OBI1: variants seen among roughly 807,000 people sequenced by gnomAD.
OBI1 encodes the protein ring finger protein 219.
A neutral mutation model predicts 62.4 loss-of-function variants in OBI1; 59 were observed. That is an observed-to-expected ratio of 0.95 (90% CI 0.77 to 1.17). OBI1 has a LOEUF of 1.17. Ranked by LOEUF, OBI1 falls within the 50% of genes most tolerant of loss-of-function variation. OBI1 has a pLI of 0.00. For synonymous variants in OBI1, 302 were observed against 292.8 expected, an observed-to-expected ratio of 1.03 and a Z score of -0.32; for missense variants, 875 against 830.9, an observed-to-expected ratio of 1.05 and a Z score of -0.65.
At position 78,615,998 on chromosome 13, in the gene OBI1, T is replaced by C; in HGVS notation, c.1763A>G (p.Glu588Gly). Reference sequence around the variant, plus strand: ...TAGAGAACCTTTGGAAAGGTTTAGCTCAGTTTTTTCTTCCAACTTATCAGG... The same window carrying C: ...TAGAGAACCTTTGGAAAGGTTTAGCCCAGTTTTTTCTTCCAACTTATCAGG... ...EEPDKLEEKT[E>G]LNLSKGSLTN... The change falls in exon 6 of 6, where the codon GAG becomes GGG. Residue 588 changes from glutamate (E) to glycine (G), a missense_variant. By Grantham distance (98) the Glu-to-Gly change is moderately conservative. Transcript: ENST00000282003. 1 of 1,614,154 alleles carries C rather than the reference T, an allele frequency of 6.2e-7. No homozygotes were observed. Among genetic ancestry groups the C allele is most frequent in the Non-Finnish European group, 8.5e-7 (1 of 1,180,020 alleles).
chr13:78,649,678 T>C (rs878896824), intron 1 of OBI1, among the ~76,000 whole-genome samples: 13 of 152,052 alleles, frequency 8.5e-5, no homozygotes, highest in Admixed American at 5.9e-4. Context: ...TGAAGAGTGA[T>C]GGGGGTATTA....
At chr13:78,652,279 T>C (rs1017418112) in intron 1 of OBI1, among the ~76,000 whole-genome samples, 15 of 152,188 alleles carry the variant, frequency 9.9e-5, no homozygotes, top group African/African-American at 3.6e-4. Context: ...TGTTATATAT[T>C]TGACTGTAAT....
chr13:78,647,581 T>C (rs1291135318), intron 1 of OBI1, among the ~76,000 whole-genome samples: 1 of 152,218 alleles, frequency 6.6e-6, no homozygotes, highest in Non-Finnish European at 1.5e-5. Flanking sequence ...TCCTACTACA[T>C]TCCTCTTGCT....
intron 5 of OBI1, among the ~76,000 whole-genome samples, chr13:78,631,598 G>C (rs764101855): frequency 6.6e-6 from 1 of 152,138 alleles, no homozygotes; most frequent in Non-Finnish European, 1.5e-5. Flanking sequence ...CAAACAGGTG[G>C]TTTCCTCCAG....
In OBI1 at chr13:78,616,079, G is replaced by T. The variant is rs376608775; in HGVS notation, c.1682C>A (p.Ser561Ter). 4 of 1,613,988 alleles carry T rather than the reference G, an allele frequency of 2.5e-6. No individual in the cohort carries two copies. The highest frequency in any genetic ancestry group is 3.4e-6 in the Non-Finnish European group (4 of 1,180,016). ...CTTTGATAACCCATCCAAATCCAGT[G>T]ACTTAAAACCGTTATTACAAGGGCT... ...SKSPCNNGFK[S>*]LDLDGLSKSS... is the part of the protein sequence containing the mutation. Residue 561 changes from serine to a stop codon, truncating the protein, a stop_gained, in exon 6 of 6, where the codon TCA becomes TAA. Coordinates refer to ENST00000282003, the MANE Select transcript of OBI1 (RefSeq NM_024546.4). LOFTEE classifies it high-confidence loss of function.
In OBI1 at chr13:78,639,055, A is replaced by C; in HGVS notation, c.317T>G (p.Leu106Ter). The C allele has an allele frequency of 1.2e-6, 2 of 1,612,982 alleles. No homozygotes were observed. The highest frequency in any genetic ancestry group is 1.7e-6 in the Non-Finnish European group (2 of 1,179,626). ...HKEYEDEIDC[L>*]QKEVEELKSK... ...CTTAAGCTCTTCTACTTCTTTCTGT[A>C]AACAATCTATTTCGTCCTGAAAAAG... Residue 106 changes from leucine (L) to a stop codon, truncating the protein, a stop_gained, in exon 4 of 6, where the codon TTA becomes TGA. Coordinates refer to ENST00000282003, the MANE Select transcript of OBI1 (RefSeq NM_024546.4). LOFTEE classifies it high-confidence loss of function.
intron 3 of OBI1, among the ~76,000 whole-genome samples, chr13:78,640,626 T>G (rs373577719): frequency 2.0e-4 from 30 of 151,924 alleles, no homozygotes; most frequent in African/African-American, 7.2e-4. Flanking sequence ...TGATGAAACC[T>G]CGCCTCTACT....
chr13:78,633,457 T>C (rs1040392035), intron 5 of OBI1, among the ~76,000 whole-genome samples: 3 of 152,166 alleles, frequency 2.0e-5, no homozygotes, highest in African/African-American at 4.8e-5. Context: ...GAGCTATTTC[T>C]GGTAGGATAA....
chr13:78,636,306 A>G (rs1402846555), intron 4 of OBI1, among the ~76,000 whole-genome samples: 1 of 152,222 alleles, frequency 6.6e-6, no homozygotes, highest in African/African-American at 2.4e-5. Flanking sequence ...TATGTATTAC[A>G]AAGAAAAATA....
At chr13:78,643,924 A>G (rs544917137) in intron 2 of OBI1, among the ~76,000 whole-genome samples, 1 of 152,358 alleles carries the variant, frequency 6.6e-6, no homozygotes, top group South Asian at 2.1e-4. Flanking sequence ...AGCAAAAACA[A>G]GTAGAAATCA....
intron 5 of OBI1, among the ~76,000 whole-genome samples, chr13:78,627,685 A>C (rs1875717290): frequency 6.6e-6 from 1 of 152,206 alleles, no homozygotes. Flanking sequence ...ACTGATGGTC[A>C]TCTGGGTTGG....
At chr13:78,645,073 A>T in intron 1 of OBI1, 76 bp from the exon 2 acceptor site, 3 of 1,386,378 alleles carry the variant, frequency 2.2e-6, no homozygotes, top group Non-Finnish European at 3.0e-6. Flanking sequence ...TTTACAGCAA[A>T]CTGCTTCTCT....
intron 1 of OBI1, among the ~76,000 whole-genome samples, chr13:78,657,043 C>T (rs1876733884): frequency 6.6e-6 from 1 of 151,872 alleles, no homozygotes; most frequent in Non-Finnish European, 1.5e-5. Flanking sequence ...CCTCGGCCTC[C>T]CAAAGTGCTG....
intron 5 of OBI1, among the ~76,000 whole-genome samples, chr13:78,634,780 T>C (rs753036219): frequency 4.6e-5 from 7 of 152,040 alleles, no homozygotes; most frequent in Admixed American, 6.6e-5. Flanking sequence ...TCTAAGAAAA[T>C]AGCTAAAGGG....
At chr13:78,620,862 C>T (rs1472174444) in intron 5 of OBI1, among the ~76,000 whole-genome samples, 2 of 152,108 alleles carry the variant, frequency 1.3e-5, no homozygotes, top group Non-Finnish European at 2.9e-5. Context: ...ACCTGAGTAC[C>T]AAAAAACTAA....
intron 3 of OBI1, among the ~76,000 whole-genome samples, chr13:78,640,293 C>T (rs1876174530): frequency 6.6e-6 from 1 of 152,046 alleles, no homozygotes; most frequent in Non-Finnish European, 1.5e-5. Flanking sequence ...TGTTCAAGTT[C>T]CTGATGGAAA....
chr13:78,631,689 A>C (rs1210637858), intron 5 of OBI1, among the ~76,000 whole-genome samples: 1 of 152,130 alleles, frequency 6.6e-6, no homozygotes, highest in Non-Finnish European at 1.5e-5. Flanking sequence ...TTTCTGGACA[A>C]CGAGTTTGGA....
chr13:78,638,556 A>G (rs1876097786), intron 4 of OBI1, among the ~76,000 whole-genome samples: 1 of 152,218 alleles, frequency 6.6e-6, no homozygotes, highest in Non-Finnish European at 1.5e-5. Flanking sequence ...TTAAATTGGT[A>G]TTATTCTTCT....
chr13:78,654,029 GAAAAAAAA>G (rs11421042), intron 1 of OBI1, among the ~76,000 whole-genome samples: 1 of 133,570 alleles, frequency 7.5e-6, no homozygotes, highest in African/African-American at 2.8e-5. Flanking sequence ...ATAACTTAAG[GAAAAAAAA>G]AAAAAAAAAA....
Sources: allele counts gnomAD v4.1 joint callset (sites outside exome capture counted in the v4.1 genomes callset), GRCh38; gene constraint gnomAD v4.1.1; transcripts MANE v1.5; gene names NCBI Gene and HGNC (gene_info 2026-07-23, HGNC 2026-07-21).